DCDC1: variants seen among roughly 807,000 people sequenced by gnomAD.
The protein encoded by DCDC1 is doublecortin domain-containing protein 1.
DCDC1 carries 200 observed loss-of-function variants against 178.3 expected under a neutral mutation model. The observed-to-expected ratio is 1.12, with a 90% CI of 1.00 to 1.26. The LOEUF (loss-of-function observed/expected upper bound fraction) is 1.26, where lower values mean the gene tolerates loss of function less well. DCDC1 is among the 50% of genes most tolerant of loss of function. DCDC1 has a pLI of 0.00. For synonymous variants in DCDC1, 690 were observed against 604.8 expected (o/e 1.14, Z -2.07); for missense variants, 1,983 against 1,749.2 (o/e 1.13, Z -2.38).
intron 36 of DCDC1, chr11:30,883,325 G>A (rs1404300159): frequency 1.4e-5 from 3 of 209,900 alleles, no homozygotes; most frequent in Non-Finnish European, 3.1e-5. Context: ...TACAGAAAAA[G>A]GAAAAGAGAC....
At chr11:31,235,588 A>G (rs952172971) in intron 9 of DCDC1, among the ~76,000 whole-genome samples, 3 of 152,006 alleles carry the variant, frequency 2.0e-5, no homozygotes, top group African/African-American at 4.8e-5. Flanking sequence ...TTATAAAATG[A>G]AACAATTTAA....
intron 11 of DCDC1, among the ~76,000 whole-genome samples, chr11:31,114,715 G>T (rs1169614148): frequency 6.6e-6 from 1 of 152,140 alleles, no homozygotes; most frequent in Non-Finnish European, 1.5e-5. Flanking sequence ...AAGTAAATAA[G>T]AAATCAGAGA....
chr11:31,112,128 A>C (rs777735050), intron 11 of DCDC1, among the ~76,000 whole-genome samples: 3 of 152,200 alleles, frequency 2.0e-5, no homozygotes, highest in Non-Finnish European at 4.4e-5. Context: ...GCTGCCCTCC[A>C]CTAGTCATAC....
rs536454077 is a variant in DCDC1 at position 31,301,543 on chromosome 11, G to C, written c.754+4072C>G. ...AATTTAAAAATCAACAAATTCAGTA[G>C]ACATATAATGGAAGAGAATATAATG... is the stretch of plus-strand genomic sequence containing the variant. On this transcript the variant is annotated intron_variant, in intron 6 of 38. Coordinates refer to ENST00000684477, the MANE Select transcript of DCDC1 (RefSeq NM_001387274.1). 9.9e-4 allele frequency among the ~76,000 whole-genome samples: 150 copies of C among 152,246 alleles called. 1 individual carries two copies. The highest frequency in any genetic ancestry group is 3.4e-3 in the African/African-American group (142 of 41,544).
chr11:31,116,262 G>A (rs1398473576), intron 11 of DCDC1, among the ~76,000 whole-genome samples: 1 of 151,850 alleles, frequency 6.6e-6, no homozygotes, highest in Admixed American at 6.6e-5. Flanking sequence ...AATATTAGAA[G>A]CTCTAATATA....
rs549832366 is a variant in DCDC1, at chr11:31,299,750, A to G, written c.754+5865T>C. Among the ~76,000 whole-genome samples, 4 of 152,364 alleles carry G rather than the reference A, an allele frequency of 2.6e-5. No homozygotes were observed. The South Asian group carries it at 8.3e-4, about 32-fold the overall frequency. ...GAGGATGGAGCAAAAGAAGGAAAAT[A>G]AATAAGGGCAGGTAGAAAAATAACA... On this transcript the variant is annotated intron_variant, in intron 6 of 38. Transcript: ENST00000684477.
At chr11:31,109,380 T>C (rs748184050) in intron 12 of DCDC1, among the ~76,000 whole-genome samples, 4 of 152,102 alleles carry the variant, frequency 2.6e-5, no homozygotes, top group Non-Finnish European at 4.4e-5. Context: ...TGAAAAATCC[T>C]ATGAAGGCCT....
rs768159832 is a variant in DCDC1, at chr11:31,064,628, T to G, written c.2434-2A>C. On this transcript the variant is annotated splice_acceptor_variant, in intron 19 of 38. Coordinates refer to ENST00000684477, the MANE Select transcript of DCDC1 (RefSeq NM_001387274.1). LOFTEE classifies it high-confidence loss of function. ...GTTGCTGGCACTTTCTTGCAGAACC[T>G]AATAAATGAAATATAGGAATCATGT... is the stretch of plus-strand genomic sequence containing the variant. 3 of 765,424 alleles carry G rather than the reference T, an allele frequency of 3.9e-6. No homozygotes were observed. The highest frequency in any genetic ancestry group is 3.4e-5 in the Admixed American group (2 of 58,876). The allele number at this position is 765,424 out of a possible 1,614,324, so 47.4% of individuals were successfully genotyped here.
chr11:30,989,175 G>A (rs895825657), intron 20 of DCDC1, among the ~76,000 whole-genome samples: 5 of 152,124 alleles, frequency 3.3e-5, no homozygotes, highest in African/African-American at 1.2e-4. Context: ...GTTCAGTGAT[G>A]GAGAGAAATC....
chr11:31,223,974 T>C (rs940847618), intron 9 of DCDC1, among the ~76,000 whole-genome samples: 27 of 152,072 alleles, frequency 1.8e-4, no homozygotes, highest in African/African-American at 6.5e-4. Flanking sequence ...CATTGAATCA[T>C]GGGGGCCGGT....
chr11:31,205,038 T>C (rs567625098), intron 9 of DCDC1, among the ~76,000 whole-genome samples: 8 of 152,284 alleles, frequency 5.3e-5, no homozygotes, highest in African/African-American at 1.9e-4. Context: ...ATAGGCACCT[T>C]CTTATCTATA....
rs941781886 is a variant in DCDC1, at chr11:31,198,261, T to A, written c.1221+43189A>T. Among the ~76,000 whole-genome samples, 4 of 152,058 alleles carry A rather than the reference T, an allele frequency of 2.6e-5. No homozygotes were observed. In the East Asian group the frequency reaches 5.8e-4, roughly 22 times the overall value. On this transcript the variant is annotated intron_variant, in intron 9 of 38. Coordinates refer to ENST00000684477, the MANE Select transcript of DCDC1 (RefSeq NM_001387274.1). ...GCTAGTGTTTCATTAAACTCTAACA[T>A]TGCCTCAATGGTAGATCCAGAATTC...
At chr11:31,200,652 T>G (rs1002626501) in intron 9 of DCDC1, among the ~76,000 whole-genome samples, 2 of 151,984 alleles carry the variant, frequency 1.3e-5, no homozygotes, top group African/African-American at 4.8e-5. Flanking sequence ...ATATTATTTT[T>G]TAAAGGAACA....
At chr11:31,282,711 G>C (rs1339595037) in intron 7 of DCDC1, among the ~76,000 whole-genome samples, 1 of 151,986 alleles carries the variant, frequency 6.6e-6, no homozygotes, top group South Asian at 2.1e-4. Flanking sequence ...TTTTCTTCCA[G>C]TGAAAAATAT....
chr11:31,352,855 A>G (rs530948681), intron 1 of DCDC1, among the ~76,000 whole-genome samples: 1 of 152,308 alleles, frequency 6.6e-6, no homozygotes, highest in Admixed American at 6.5e-5. Context: ...CCTTATTGCC[A>G]TCAGGCATTT....
intron 20 of DCDC1, among the ~76,000 whole-genome samples, chr11:30,980,875 GA>G (rs1402416879): frequency 6.6e-6 from 1 of 152,084 alleles, no homozygotes; most frequent in Non-Finnish European, 1.5e-5. Flanking sequence ...CAAAGGAAGA[GA>G]AATCACTATA....
chr11:30,883,489 G>A, intron 36 of DCDC1: 1 of 460,260 alleles, frequency 2.2e-6, no homozygotes, highest in Non-Finnish European at 4.5e-6. Context: ...TCCAAATAAA[G>A]ATCCATGTCT....
intron 20 of DCDC1, among the ~76,000 whole-genome samples, chr11:30,981,683 A>T (rs1194966723): frequency 6.6e-6 from 1 of 152,202 alleles, no homozygotes; most frequent in Non-Finnish European, 1.5e-5. Context: ...TTAATTCAAT[A>T]GGAGTTTAGT....
intron 2 of DCDC1, among the ~76,000 whole-genome samples, chr11:31,329,925 T>C (rs543066275): frequency 6.6e-6 from 1 of 152,254 alleles, no homozygotes; most frequent in Non-Finnish European, 1.5e-5. Context: ...AGTAATGGGA[T>C]GGCTGGGTCA....
Sources: allele counts gnomAD v4.1 joint callset (sites outside exome capture counted in the v4.1 genomes callset), GRCh38; gene constraint gnomAD v4.1.1; transcripts MANE v1.5; gene names NCBI Gene and HGNC (gene_info 2026-07-23, HGNC 2026-07-21).